PIR: variants seen among roughly 807,000 people sequenced by gnomAD.
PIR encodes pirin (iron-binding nuclear protein).
PIR carries 22 observed loss-of-function variants against 24.2 expected under a neutral mutation model. That is an observed-to-expected ratio of 0.91 (90% CI 0.65 to 1.30). The LOEUF (loss-of-function observed/expected upper bound fraction) is 1.30. PIR is among the 50% of genes most tolerant of loss of function. PIR has a pLI of 0.00. For missense variants in PIR, 220 were observed against 220.3 expected, an observed-to-expected ratio of 1.00 and a Z score of 0.01; for synonymous variants, 80 against 79.6, an observed-to-expected ratio of 1.00 and a Z score of -0.03.
intron 9 of PIR, among the ~76,000 whole-genome samples, chrX:15,387,626 G>A (rs1246100112): frequency 9.0e-6 from 1 of 111,419 alleles, no homozygotes; most frequent in Non-Finnish European, 1.9e-5. Context: ...TAAAGGACAC[G>A]CAGGGGAAAG....
intron 6 of PIR, 189 bp from the exon 7 acceptor site, chrX:15,407,739 C>A (rs112327224): frequency 4.7e-6 from 2 of 424,217 alleles, no homozygotes. Flanking sequence ...CTTTCTCACA[C>A]ACAAACACAG....
intron 2 of PIR, among the ~76,000 whole-genome samples, chrX:15,488,373 T>C (rs1287770849): frequency 9.2e-6 from 1 of 108,816 alleles, no homozygotes; most frequent in Non-Finnish European, 1.9e-5. Context: ...TCTCTGCTGA[T>C]GGGAGGGTTA....
At chrX:15,388,944 T>C (rs1451535213) in intron 9 of PIR, among the ~76,000 whole-genome samples, 1 of 112,226 alleles carries the variant, frequency 8.9e-6, no homozygotes, top group Admixed American at 9.5e-5. Context: ...TACTCCGAGT[T>C]TGTATGTGCA....
In PIR at chrX:15,397,550, A is replaced by G; in HGVS notation, c.611-19T>C. 2 of 1,107,062 alleles carry G rather than the reference A, an allele frequency of 1.8e-6. No homozygotes were observed. The highest frequency in any genetic ancestry group is 2.5e-6 in the Non-Finnish European group (2 of 800,132). 91.2% of individuals were successfully genotyped at this position (1,107,062 alleles called of 1,213,427 possible). A position where few individuals can be genotyped will look rare whatever the true frequency, so the allele number is the denominator to read the frequency against. On this transcript the variant is annotated intron_variant, in intron 7 of 9. Coordinates refer to ENST00000380420, the MANE Select transcript of PIR (RefSeq NM_001018109.3). The stretch of plus-strand genomic sequence containing the variant: ...TCGGGCCCTACAAAACCAATGACAC[A>G]CTAATTTAATACCCATTATAGTACA...
intron 1 of PIR, 33 bp from the exon 2 acceptor site, chrX:15,491,342 A>T (rs1305832191): frequency 3.4e-6 from 2 of 588,081 alleles, no homozygotes; most frequent in Non-Finnish European, 5.4e-6. Flanking sequence ...AAAAGAAGTC[A>T]TAAAGGAGGG....
intron 3 of PIR, 54 bp from the exon 4 acceptor site, chrX:15,459,794 G>T (rs1921224318): frequency 4.4e-6 from 3 of 687,583 alleles, no homozygotes; most frequent in Non-Finnish European, 7.0e-6. Context: ...TTTAAATTGG[G>T]TTATTATTTA....
At chrX:15,472,420 A>G (rs987696151) in intron 3 of PIR, among the ~76,000 whole-genome samples, 2 of 112,052 alleles carry the variant, frequency 1.8e-5, no homozygotes, top group African/African-American at 6.5e-5. Flanking sequence ...GTGTCCACCA[A>G]TGGATGACCG....
intron 8 of PIR, among the ~76,000 whole-genome samples, chrX:15,397,029 C>T (rs931745656): frequency 8.0e-5 from 9 of 112,527 alleles, no homozygotes; most frequent in South Asian, 3.7e-4. Flanking sequence ...CGTGAGCCAC[C>T]ACGCCCGGCC....
chrX:15,422,133 T>C (rs1297646441), intron 6 of PIR, among the ~76,000 whole-genome samples: 1 of 111,002 alleles, frequency 9.0e-6, no homozygotes, highest in African/African-American at 3.3e-5. Context: ...AAACTGGGTA[T>C]AGAATGAACG....
rs573732558 is a variant in PIR at position 15,477,955 on chromosome X, A to G, written c.189+1774T>C. 9.4e-4 allele frequency among the ~76,000 whole-genome samples: 104 copies of G among 110,942 alleles called. No homozygotes were observed. In the South Asian group the frequency reaches 0.014, roughly 15 times the overall value. On this transcript the variant is annotated intron_variant, in intron 3 of 9. Transcript: ENST00000380420. ...TAAAAGAGCCAAACATTAATATTCT[A>G]CAGCTGCACTCCTTGAGGGAGTTGC... is the stretch of plus-strand genomic sequence containing the variant.
chrX:15,409,390 C>T (rs1352649138), intron 6 of PIR, among the ~76,000 whole-genome samples: 1 of 111,354 alleles, frequency 9.0e-6, no homozygotes, highest in Non-Finnish European at 1.9e-5. Context: ...TTTCTCCCAT[C>T]TTAACCCACT....
Position 15,474,340 on chromosome X carries a change from C to T in PIR, c.189+5389G>A, listed in dbSNP as rs958387875. Reference sequence around the variant, plus strand: ...GCCAAGACCCAGCTATTGTTACAGGCACATACTTCTAAGTTAGGTTTTCAA... The same window carrying T: ...GCCAAGACCCAGCTATTGTTACAGGTACATACTTCTAAGTTAGGTTTTCAA... On this transcript the variant is annotated intron_variant, in intron 3 of 9. Coordinates refer to ENST00000380420, the MANE Select transcript of PIR (RefSeq NM_001018109.3). Among the ~76,000 whole-genome samples the T allele has an allele frequency of 5.4e-5, 6 of 112,039 alleles. No individual in the cohort carries two copies. In the Admixed American group the frequency reaches 5.7e-4, roughly 11 times the overall value.
intron 3 of PIR, among the ~76,000 whole-genome samples, chrX:15,465,231 G>A (rs1921501737): frequency 9.0e-6 from 1 of 110,705 alleles, no homozygotes; most frequent in African/African-American, 3.3e-5. Context: ...AATTCAAAAT[G>A]CCTATCTTTT....
intron 3 of PIR, among the ~76,000 whole-genome samples, chrX:15,478,189 A>C: frequency 9.0e-6 from 1 of 111,689 alleles, no homozygotes; most frequent in Middle Eastern, 4.7e-3. Flanking sequence ...GCAATTTATG[A>C]TCCTCTTGGG....
intron 3 of PIR, among the ~76,000 whole-genome samples, chrX:15,473,580 C>T (rs939802021): frequency 9.0e-6 from 1 of 110,526 alleles, no homozygotes; most frequent in African/African-American, 3.3e-5. Context: ...ATTTTTGAGA[C>T]AGAGTCTTGC....
chrX:15,391,455 A>G (rs778244207), intron 8 of PIR, among the ~76,000 whole-genome samples: 1 of 112,346 alleles, frequency 8.9e-6, no homozygotes, highest in Non-Finnish European at 1.9e-5. Context: ...AACAATCATT[A>G]GATCATTTCA....
intron 5 of PIR, among the ~76,000 whole-genome samples, chrX:15,446,605 AG>A (rs1926112967): frequency 1.8e-5 from 2 of 111,851 alleles, no homozygotes; most frequent in Non-Finnish European, 3.8e-5. Context: ...CTTCTTCACC[AG>A]GTCAGTTTTC....
chrX:15,479,792 A>T lies in PIR; in HGVS notation c.126T>A (p.Phe42Leu), dbSNP rs1444445052. ...ELKNLDPFLL[F>L]DEFKGGRPGG... ...CTGGTCTACCTCCTTTAAATTCATC[A>T]AACAGTAAAAACGGATCCAGATTTT... The change falls in exon 3 of 10, where the codon TTT becomes TTA. Residue 42 changes from phenylalanine to leucine, a missense_variant. Physicochemically the swap from Phe to Leu is conservative, Grantham distance 22. Coordinates refer to ENST00000380420, the MANE Select transcript of PIR (RefSeq NM_001018109.3). The T allele has an allele frequency of 8.6e-7, 1 of 1,166,900 alleles. No homozygotes were observed. Among genetic ancestry groups the T allele is most frequent in the Non-Finnish European group, 1.2e-6 (1 of 862,474 alleles).
At chrX:15,436,076 G>A (rs1925741308) in intron 5 of PIR, among the ~76,000 whole-genome samples, 1 of 112,184 alleles carries the variant, frequency 8.9e-6, no homozygotes, top group African/African-American at 3.2e-5. Context: ...GGAACTCTTA[G>A]GCAAAATGCC....
Sources: allele counts gnomAD v4.1 joint callset (sites outside exome capture counted in the v4.1 genomes callset), GRCh38; gene constraint gnomAD v4.1.1; transcripts MANE v1.5; gene names NCBI Gene and HGNC (gene_info 2026-07-23, HGNC 2026-07-21).